Variants in CNTN5 observed in about 807,000 individuals in gnomAD.
The protein encoded by CNTN5 is contactin-5.
Under a neutral mutation model 129.1 loss-of-function variants are expected in CNTN5, and 77 were observed. That is an observed-to-expected ratio of 0.60 (90% CI 0.50 to 0.72). The LOEUF is 0.72. CNTN5 is among the 30% of genes least tolerant of loss of function. CNTN5 has a pLI of 0.00. For missense variants in CNTN5, 1,478 were observed against 1,328.8 expected, an observed-to-expected ratio of 1.11 and a Z score of -1.75; for synonymous variants, 509 against 465.6, an observed-to-expected ratio of 1.09 and a Z score of -1.20.
intron 6 of CNTN5, among the ~76,000 whole-genome samples, chr11:99,897,221 C>T (rs1282739442): frequency 2.0e-5 from 3 of 152,112 alleles, no homozygotes; most frequent in African/African-American, 4.8e-5. Flanking sequence ...AAGTAAACAA[C>T]CTGGAAAACA....
rs556530133 is a variant in CNTN5, at chr11:100,002,237, G to A, written c.980+101G>A. The stretch of plus-strand genomic sequence containing the variant: ...TTTGCTAGGTGTCATTTCCCCAGTT[G>A]TTCCATGGTGGCTATTTATTTTCTA... On this transcript the variant is annotated intron_variant, in intron 9 of 24. Coordinates refer to ENST00000524871, the MANE Select transcript of CNTN5 (RefSeq NM_014361.4). 107 of 673,682 alleles carry A rather than the reference G, an allele frequency of 1.6e-4. 1 individual carries two copies. The South Asian group carries it at 2.7e-3, about 17-fold the overall frequency. 41.7% of individuals were successfully genotyped at this position (673,682 alleles called of 1,614,324 possible). A position where few individuals can be genotyped will look rare whatever the true frequency, so the allele number is the denominator to read the frequency against.
intron 3 of CNTN5, among the ~76,000 whole-genome samples, chr11:99,623,504 A>G (rs1951023953): frequency 6.6e-6 from 1 of 152,120 alleles, no homozygotes; most frequent in Non-Finnish European, 1.5e-5. Context: ...CAGTGTATCT[A>G]AGAAAATTGC....
intron 1 of CNTN5, among the ~76,000 whole-genome samples, chr11:99,301,182 G>T (rs573987463): frequency 1.3e-4 from 20 of 151,496 alleles, no homozygotes; most frequent in South Asian, 4.2e-4. Context: ...AAGAATCTAA[G>T]AACAGAAATA....
intron 2 of CNTN5, among the ~76,000 whole-genome samples, chr11:99,362,771 GA>G (rs2075376725): frequency 6.6e-6 from 1 of 151,662 alleles, no homozygotes; most frequent in African/African-American, 2.4e-5. Flanking sequence ...ACCATTTATT[GA>G]AAAGACTGTC....
intron 1 of CNTN5, among the ~76,000 whole-genome samples, chr11:99,247,511 G>T (rs1157395085): frequency 1.3e-5 from 2 of 151,860 alleles, no homozygotes; most frequent in African/African-American, 4.8e-5. Flanking sequence ...TGCACAACGT[G>T]CAGGTTAGTT....
chr11:99,737,131 GCACACACA>G (rs927394222), intron 3 of CNTN5, among the ~76,000 whole-genome samples: 1 of 149,744 alleles, frequency 6.7e-6, no homozygotes, highest in Non-Finnish European at 1.5e-5. Context: ...TAACACACAT[GCACACACA>G]CACAAACACA....
rs145849134 is a variant in CNTN5, at chr11:99,209,861, G to C, written c.-209-115485G>C. On this transcript the variant is annotated intron_variant, in intron 1 of 24. Transcript: ENST00000524871. ...GCTTCCAAAGTACATCTTTGTCATA[G>C]TACCATGCATCTAAAAACCCAGAAT... Among the ~76,000 whole-genome samples the C allele has an allele frequency of 3.7e-3, 563 of 152,180 alleles. 6 individuals are homozygous for C. The highest frequency in any genetic ancestry group is 0.013 in the African/African-American group (537 of 41,516).
chr11:99,622,512 A>G (rs1259809643), intron 3 of CNTN5, among the ~76,000 whole-genome samples: 1 of 152,128 alleles, frequency 6.6e-6, no homozygotes, highest in African/African-American at 2.4e-5. Context: ...GATTATAGAG[A>G]CTGCATTTTA....
chr11:100,024,467 G>T lies in CNTN5; in HGVS notation c.980+22331G>T, dbSNP rs182685498. Among the ~76,000 whole-genome samples, 178 of 152,238 alleles carry T rather than the reference G, an allele frequency of 1.2e-3. 4 individuals are homozygous for T. The East Asian group carries it at 0.03, about 26-fold the overall frequency. On this transcript the variant is annotated intron_variant, in intron 9 of 24. Transcript: ENST00000524871. Reference sequence around the variant, plus strand: ...CTGCTATAATGATACCCAAAAATGTGGAAGCAACTTTGGAACTGGGTAACA... The same window carrying T: ...CTGCTATAATGATACCCAAAAATGTTGAAGCAACTTTGGAACTGGGTAACA...
At chr11:99,049,550 A>G (rs1864344421) in intron 1 of CNTN5, 1 of 152,174 alleles carries the variant, frequency 6.6e-6, no homozygotes, top group Non-Finnish European at 1.5e-5. Flanking sequence ...AGAAAGTGAG[A>G]GAACAGAAGC....
intron 17 of CNTN5, among the ~76,000 whole-genome samples, chr11:100,267,861 C>G (rs1033818384): frequency 2.6e-5 from 4 of 152,064 alleles, no homozygotes; most frequent in Admixed American, 6.6e-5. Flanking sequence ...AGTGACTAAA[C>G]TATTTAGGAA....
chr11:100,021,177 AAC>A (rs1941120223), intron 9 of CNTN5, among the ~76,000 whole-genome samples: 1 of 152,184 alleles, frequency 6.6e-6, no homozygotes, highest in Non-Finnish European at 1.5e-5. Context: ...ATGGTCAAAT[AAC>A]ACACTTTTTG....
intron 2 of CNTN5, among the ~76,000 whole-genome samples, chr11:99,449,043 A>T (rs1944193509): frequency 1.3e-5 from 2 of 152,062 alleles, no homozygotes; most frequent in Non-Finnish European, 1.5e-5. Context: ...TTGGTCTCCA[A>T]AGTGCTGTGT....
intron 1 of CNTN5, among the ~76,000 whole-genome samples, chr11:99,254,346 T>C (rs1408898665): frequency 6.6e-6 from 1 of 151,944 alleles, no homozygotes; most frequent in African/African-American, 2.4e-5. Context: ...ATAGGGTGAA[T>C]TCTGTGAACT....
chr11:99,574,220 G>C (rs1173281347), intron 3 of CNTN5, among the ~76,000 whole-genome samples: 1 of 152,072 alleles, frequency 6.6e-6, no homozygotes, highest in African/African-American at 2.4e-5. Context: ...CCATGTCCCT[G>C]CAAAGGACAC....
chr11:99,965,852 C>G (rs1348096235), intron 8 of CNTN5, among the ~76,000 whole-genome samples: 1 of 152,130 alleles, frequency 6.6e-6, no homozygotes, highest in Non-Finnish European at 1.5e-5. Context: ...ACTATTTGAT[C>G]TCTCTTCAAA....
In CNTN5 at chr11:99,325,454, G is replaced by T. The variant is rs1039037893; in HGVS notation, c.-101G>T. ...ACAGATACCAGTTCCTTTGTCAAGA[G>T]CATACTTTGGACCCTGTTTTCAGAA... is the stretch of plus-strand genomic sequence containing the variant. On this transcript the variant is annotated 5_prime_UTR_variant, in exon 2 of 25. Transcript: ENST00000524871. 6.6e-6 allele frequency: 1 copy of T among 152,028 alleles called. No individual in the cohort carries two copies. Among genetic ancestry groups the T allele is most frequent in the African/African-American group, 2.4e-5 (1 of 41,380 alleles). The allele number at this position is 152,028 out of a possible 1,614,324, so 9.4% of individuals were successfully genotyped here. A position where few individuals can be genotyped will look rare whatever the true frequency, so the allele number is the denominator to read the frequency against.
intron 3 of CNTN5, among the ~76,000 whole-genome samples, chr11:99,731,670 C>T (rs957184123): frequency 2.0e-5 from 3 of 152,136 alleles, no homozygotes; most frequent in Non-Finnish European, 2.9e-5. Context: ...CAGTATCTCA[C>T]CTCCAATTTA....
intron 13 of CNTN5, among the ~76,000 whole-genome samples, chr11:100,119,037 T>C (rs1358559007): frequency 1.4e-5 from 2 of 143,934 alleles, no homozygotes; most frequent in Non-Finnish European, 3.0e-5. Context: ...TTTAAAAGAC[T>C]GGTTCAAAAA....
Sources: gnomAD v4.1 joint callset for allele counts (sites outside exome capture counted in the v4.1 genomes callset) on GRCh38, gnomAD v4.1.1 for gene constraint, MANE v1.5 for transcripts, NCBI Gene and HGNC (gene_info 2026-07-23, HGNC 2026-07-21) for gene names.